CDH13: variants seen among roughly 807,000 people sequenced by gnomAD.
CDH13 encodes cadherin 13.
CDH13 carries 24 observed loss-of-function variants against 63.8 expected under a neutral mutation model. The observed-to-expected ratio is 0.38, with a 90% CI of 0.27 to 0.53. The LOEUF is 0.53. Among genes scored for constraint, CDH13 ranks in the 20% least tolerant of loss-of-function variants. CDH13 has a pLI of 0.85. For synonymous variants in CDH13, 503 were observed against 355.3 expected (o/e 1.42, Z -4.67); for missense variants, 1,049 against 903.1 (o/e 1.16, Z -2.07).
intron 5 of CDH13, among the ~76,000 whole-genome samples, chr16:83,279,919 T>A (rs1160581093): frequency 6.6e-6 from 1 of 152,168 alleles, no homozygotes; most frequent in African/African-American, 2.4e-5. Flanking sequence ...TGCAATAGTT[T>A]CATGTCTGAA....
chr16:83,242,099 G>A (rs191330275), intron 5 of CDH13, among the ~76,000 whole-genome samples: 1 of 152,174 alleles, frequency 6.6e-6, no homozygotes, highest in Non-Finnish European at 1.5e-5. Context: ...ATTTCCCATT[G>A]TGTAGTCCTG....
intron 13 of CDH13, among the ~76,000 whole-genome samples, chr16:83,788,681 G>T (rs1284305605): frequency 2.0e-5 from 3 of 152,182 alleles, no homozygotes; most frequent in Non-Finnish European, 4.4e-5. Flanking sequence ...TTGCTTCACA[G>T]TTGGTATCAT....
chr16:82,895,383 C>T (rs1299529171), intron 2 of CDH13, among the ~76,000 whole-genome samples: 1 of 152,216 alleles, frequency 6.6e-6, no homozygotes, highest in African/African-American at 2.4e-5. Context: ...CCACCATCCC[C>T]TCATCATCTG....
chr16:82,836,911 A>G (rs1597751249), intron 1 of CDH13, among the ~76,000 whole-genome samples: 1 of 152,298 alleles, frequency 6.6e-6, no homozygotes, highest in East Asian at 1.9e-4. Flanking sequence ...CTTTAAAGGG[A>G]TATTTATCAC....
At chr16:83,590,999 C>A (rs1007142923) in intron 7 of CDH13, among the ~76,000 whole-genome samples, 1 of 149,508 alleles carries the variant, frequency 6.7e-6, no homozygotes, top group Non-Finnish European at 1.5e-5. Flanking sequence ...CAATCTCCAC[C>A]TTCTGGTTTC....
chr16:83,540,501 G>T (rs1036171997), intron 7 of CDH13, among the ~76,000 whole-genome samples: 1 of 152,102 alleles, frequency 6.6e-6, no homozygotes, highest in South Asian at 2.1e-4. Context: ...GAAGCTCAGG[G>T]GTGCCTTTGC....
chr16:83,465,203 T>C (rs2073278456), intron 6 of CDH13, among the ~76,000 whole-genome samples: 1 of 152,088 alleles, frequency 6.6e-6, no homozygotes, highest in African/African-American at 2.4e-5. Context: ...AAAATAAAGA[T>C]GGGATAACAG....
chr16:83,257,592 C>T (rs1409560528), intron 5 of CDH13, among the ~76,000 whole-genome samples: 1 of 152,168 alleles, frequency 6.6e-6, no homozygotes, highest in Non-Finnish European at 1.5e-5. Context: ...CAGCACTAAT[C>T]ATTTTATTTT....
intron 1 of CDH13, among the ~76,000 whole-genome samples, chr16:82,851,682 T>TAC (rs1438769837): frequency 4.7e-5 from 1 of 21,192 alleles, no homozygotes; most frequent in Non-Finnish European, 1.2e-4. Context: ...TGTACGTGTG[T>TAC]GTGTGTGTGT....
intron 6 of CDH13, among the ~76,000 whole-genome samples, chr16:83,424,627 A>G (rs2071830437): frequency 6.6e-6 from 1 of 152,226 alleles, no homozygotes; most frequent in Non-Finnish European, 1.5e-5. Context: ...CCTCAAAAAT[A>G]AAAAGGAAGA....
Position 83,481,903 on chromosome 16 carries a change from C to T in CDH13, c.782-4574C>T, listed in dbSNP as rs146617089. 4.2e-3 allele frequency among the ~76,000 whole-genome samples: 643 copies of T among 152,260 alleles called. 6 individuals are homozygous for T. Among genetic ancestry groups the T allele is most frequent in the African/African-American group, 0.015 (627 of 41,548 alleles). On this transcript the variant is annotated intron_variant, in intron 6 of 13. Transcript: ENST00000567109. Reference sequence around the variant, plus strand: ...AGGAAGCTGCATGAGCTGGTGAAAACAAAGTGGTGGACATGGAGTCCAGTG... The same window carrying T: ...AGGAAGCTGCATGAGCTGGTGAAAATAAAGTGGTGGACATGGAGTCCAGTG...
chr16:83,493,032 T>C (rs577986410), intron 7 of CDH13, among the ~76,000 whole-genome samples: 88 of 152,044 alleles, frequency 5.8e-4, no homozygotes, highest in Non-Finnish European at 1.8e-4. Flanking sequence ...TGTTTTTGGT[T>C]TTTTGTTTGT....
At chr16:83,675,337 A>G (rs1357436242) in intron 9 of CDH13, among the ~76,000 whole-genome samples, 11 of 152,168 alleles carry the variant, frequency 7.2e-5, no homozygotes, top group African/African-American at 2.4e-4. Flanking sequence ...GGCAAATGGA[A>G]ATAAACATTA....
intron 4 of CDH13, among the ~76,000 whole-genome samples, chr16:83,189,797 T>C (rs560383257): frequency 6.6e-6 from 1 of 152,290 alleles, no homozygotes; most frequent in South Asian, 2.1e-4. Context: ...TAACCTTGAA[T>C]TGTAGTTCCC....
At chr16:83,217,617 G>A in intron 5 of CDH13, 120 bp downstream of exon 5, 1 of 1,023,156 alleles carries the variant, frequency 9.8e-7, no homozygotes, top group Non-Finnish European at 1.4e-6. Context: ...ATGGCTTTAG[G>A]GTGTTTCTGT....
chr16:83,026,488 G>A (rs150898392), intron 2 of CDH13, among the ~76,000 whole-genome samples: 4 of 150,620 alleles, frequency 2.7e-5, no homozygotes, highest in Admixed American at 2.0e-4. Context: ...AAATAGGTTC[G>A]AGGGTGGGGG....
intron 1 of CDH13, among the ~76,000 whole-genome samples, chr16:82,819,605 A>T (rs976340968): frequency 5.3e-5 from 8 of 152,168 alleles, no homozygotes; most frequent in Non-Finnish European, 1.0e-4. Flanking sequence ...GACAGAGGAA[A>T]TTAAGACACC....
chr16:83,600,403 T>C (rs1907674670), intron 7 of CDH13, among the ~76,000 whole-genome samples: 1 of 152,154 alleles, frequency 6.6e-6, no homozygotes, highest in Non-Finnish European at 1.5e-5. Flanking sequence ...CTCCTTAAAA[T>C]AGTAGCTCAG....
intron 1 of CDH13, among the ~76,000 whole-genome samples, chr16:82,803,543 A>G (rs182547382): frequency 4.6e-5 from 7 of 152,320 alleles, no homozygotes; most frequent in African/African-American, 1.4e-4. Context: ...AACGACTCCA[A>G]TGTTCCTGTA....
Sources: gnomAD v4.1 joint callset for allele counts (sites outside exome capture counted in the v4.1 genomes callset) on GRCh38, gnomAD v4.1.1 for gene constraint, MANE v1.5 for transcripts, NCBI Gene and HGNC (gene_info 2026-07-23, HGNC 2026-07-21) for gene names.